NKAIN3: variants seen among roughly 807,000 people sequenced by gnomAD.
NKAIN3 encodes sodium/potassium transporting ATPase interacting 3.
In NKAIN3, 25 loss-of-function variants were observed where a neutral mutation model predicts 30.2. The observed-to-expected ratio is 0.83, with a 90% confidence interval of 0.60 to 1.16. The LOEUF (loss-of-function observed/expected upper bound fraction) is 1.16. Ranked by LOEUF, NKAIN3 falls within the 50% of genes most tolerant of loss-of-function variation. NKAIN3 has a pLI of 0.00. For missense variants in NKAIN3, 225 were observed against 254.1 expected, an observed-to-expected ratio of 0.89 and a Z score of 0.78; for synonymous variants, 91 against 89.6, an observed-to-expected ratio of 1.02 and a Z score of -0.09.
rs367767210 is a variant in NKAIN3, at chr8:62,982,410, A to T, written c.*17003A>T. The T allele has an allele frequency of 7.2e-5, 11 of 152,256 alleles. No individual in the cohort carries two copies. In the East Asian group the frequency reaches 1.5e-3, roughly 21 times the overall value. The allele number at this position is 152,256 out of a possible 1,614,324, so 9.4% of individuals were successfully genotyped here. On this transcript the variant is annotated 3_prime_UTR_variant, in exon 7 of 7. Transcript: ENST00000623646. ...CTGTTTCTTCCATAACCTCACAACG[A>T]TATGTGGTGGCCCCGCAGTCATTAT...
At chr8:62,496,764 C>T (rs1019472786) in intron 1 of NKAIN3, among the ~76,000 whole-genome samples, 1 of 152,156 alleles carries the variant, frequency 6.6e-6, no homozygotes, top group Non-Finnish European at 1.5e-5. Flanking sequence ...TGTTGTATAA[C>T]ATGATTAGCG....
Position 62,291,753 on chromosome 8 carries a change from C to G in NKAIN3, c.54+42626C>G, listed in dbSNP as rs529653298. On this transcript the variant is annotated intron_variant, in intron 1 of 6. Transcript: ENST00000623646. ...AGAGTTCTGTAGATGTCTATTAGGTCTGCATGGTGCAGAGCTGAGTTCAAT... is the reference window on the plus strand; with the variant it reads ...AGAGTTCTGTAGATGTCTATTAGGTGTGCATGGTGCAGAGCTGAGTTCAAT... Among the ~76,000 whole-genome samples, 6 of 152,276 alleles carry G rather than the reference C, an allele frequency of 3.9e-5. No individual in the cohort carries two copies. The South Asian group carries it at 1.2e-3, about 32-fold the overall frequency.
rs117197632 is a variant in NKAIN3 at position 62,478,179 on chromosome 8, T to A, written c.55-101360T>A. Among the ~76,000 whole-genome samples, 479 of 152,144 alleles carry A rather than the reference T, an allele frequency of 3.1e-3. 1 individual carries two copies. The highest frequency in any genetic ancestry group is 5.6e-3 in the Non-Finnish European group (380 of 67,996). ...ATAGGAGTTATTATTATTATTATTA[T>A]TACCATGTTACTGATGAGGAAACTG... On this transcript the variant is annotated intron_variant, in intron 1 of 6. Coordinates refer to ENST00000623646, the MANE Select transcript of NKAIN3 (RefSeq NM_001304533.3).
chr8:62,689,170 G>A (rs979280030), intron 3 of NKAIN3, among the ~76,000 whole-genome samples: 4 of 152,124 alleles, frequency 2.6e-5, no homozygotes, highest in African/African-American at 9.7e-5. Context: ...TCTAGATTGA[G>A]TTTCTAAGTT....
chr8:62,539,018 G>A (rs184805744), intron 1 of NKAIN3, among the ~76,000 whole-genome samples: 115 of 152,188 alleles, frequency 7.6e-4, no homozygotes, highest in Non-Finnish European at 1.3e-3. Context: ...AACTCAGGAG[G>A]GTCATTCAGT....
At chr8:62,491,506 G>A (rs1807065034) in intron 1 of NKAIN3, among the ~76,000 whole-genome samples, 1 of 152,126 alleles carries the variant, frequency 6.6e-6, no homozygotes, top group Non-Finnish European at 1.5e-5. Flanking sequence ...TTTCCTTCTA[G>A]ACTTTTCTCC....
At chr8:62,374,773 T>A (rs1817024236) in intron 1 of NKAIN3, among the ~76,000 whole-genome samples, 1 of 152,258 alleles carries the variant, frequency 6.6e-6, no homozygotes, top group African/African-American at 2.4e-5. Flanking sequence ...TAAAACTGGC[T>A]ATTTAAACCA....
At chr8:62,842,384 TATCCC>T (rs1451324806) in intron 4 of NKAIN3, among the ~76,000 whole-genome samples, 1 of 151,864 alleles carries the variant, frequency 6.6e-6, no homozygotes, top group Admixed American at 6.6e-5. Context: ...AATTGAAAAA[TATCCC>T]ATCTCTATGG....
intron 3 of NKAIN3, among the ~76,000 whole-genome samples, chr8:62,643,530 A>G (rs1032362137): frequency 6.6e-6 from 1 of 152,050 alleles, no homozygotes; most frequent in African/African-American, 2.4e-5. Flanking sequence ...CTGGGAACAG[A>G]GCTGTTGGTT....
At chr8:62,671,266 G>GA (rs754980346) in intron 3 of NKAIN3, among the ~76,000 whole-genome samples, 10 of 151,732 alleles carry the variant, frequency 6.6e-5, no homozygotes, top group South Asian at 2.1e-4. Flanking sequence ...GTTTTCCTTT[G>GA]AAAAAACTTG....
intron 5 of NKAIN3, among the ~76,000 whole-genome samples, chr8:62,942,383 A>G (rs1011192499): frequency 2.0e-5 from 3 of 151,122 alleles, no homozygotes; most frequent in Admixed American, 2.0e-4. Flanking sequence ...GAAATTATAG[A>G]TGGCACAGAT....
At chr8:62,347,085 A>G (rs561530622) in intron 1 of NKAIN3, among the ~76,000 whole-genome samples, 2 of 152,282 alleles carry the variant, frequency 1.3e-5, no homozygotes, top group Non-Finnish European at 2.9e-5. Context: ...ATGCTTTCCC[A>G]TACAAACTGT....
intron 4 of NKAIN3, among the ~76,000 whole-genome samples, chr8:62,911,906 T>A (rs1387582108): frequency 6.6e-6 from 1 of 152,186 alleles, no homozygotes. Flanking sequence ...GAACATTAGC[T>A]TGTAACAATA....
chr8:62,798,805 A>G (rs890668272), intron 4 of NKAIN3, among the ~76,000 whole-genome samples: 9 of 152,288 alleles, frequency 5.9e-5, no homozygotes, highest in Non-Finnish European at 8.8e-5. Context: ...ACACATAGCA[A>G]TTAAGAATTT....
chr8:62,762,520 A>G (rs2130619216), intron 4 of NKAIN3, among the ~76,000 whole-genome samples: 1 of 152,296 alleles, frequency 6.6e-6, no homozygotes, highest in African/African-American at 2.4e-5. Context: ...AGACATTAGG[A>G]TGGTGTCACC....
At chr8:62,875,176 C>A (rs1820758219) in intron 4 of NKAIN3, among the ~76,000 whole-genome samples, 1 of 151,936 alleles carries the variant, frequency 6.6e-6, no homozygotes, top group Admixed American at 6.6e-5. Flanking sequence ...TCCTATACAC[C>A]AACAATAGGC....
At chr8:62,958,478 C>A (rs1335291808) in intron 6 of NKAIN3, among the ~76,000 whole-genome samples, 1 of 152,006 alleles carries the variant, frequency 6.6e-6, no homozygotes, top group Non-Finnish European at 1.5e-5. Context: ...ACTGACAGCA[C>A]CACCAATGAA....
chr8:62,929,409 C>G (rs1279812952), intron 5 of NKAIN3, among the ~76,000 whole-genome samples: 1 of 152,180 alleles, frequency 6.6e-6, no homozygotes, highest in Non-Finnish European at 1.5e-5. Context: ...ATATTTGCCT[C>G]CTTTTCTATT....
At chr8:62,545,805 A>T (rs1194917486) in intron 1 of NKAIN3, among the ~76,000 whole-genome samples, 1 of 152,170 alleles carries the variant, frequency 6.6e-6, no homozygotes, top group East Asian at 1.9e-4. Flanking sequence ...GTATGTAAAA[A>T]TTTTTCAATC....
Sources: allele counts gnomAD v4.1 joint callset (sites outside exome capture counted in the v4.1 genomes callset), GRCh38; gene constraint gnomAD v4.1.1; transcripts MANE v1.5; gene names NCBI Gene and HGNC (gene_info 2026-07-23, HGNC 2026-07-21).